The following CREB5 variants were observed in gnomAD, a reference collection of about 807,000 sequenced individuals.
CREB5 encodes the protein cyclic AMP-responsive element-binding protein 5.
Under a neutral mutation model 57.1 loss-of-function variants are expected in CREB5, and 19 were observed. The ratio of observed to expected loss-of-function variants is 0.33; its 90% CI spans 0.23 to 0.49. The LOEUF (loss-of-function observed/expected upper bound fraction) is 0.49, where lower values mean the gene tolerates loss of function less well. CREB5 is among the 20% of genes least tolerant of loss of function. The probability of loss-of-function intolerance (pLI) is 0.99; values close to 1 mark genes in which losing one functional copy is unlikely to be tolerated. For missense variants in CREB5, 579 were observed against 671.6 expected (o/e 0.86, Z 1.52); for synonymous variants, 238 against 238.3 (o/e 1.00, Z 0.01).
At chr7:28,324,090 CG>C (rs1164509605) in intron 1 of CREB5, among the ~76,000 whole-genome samples, 1 of 152,142 alleles carries the variant, frequency 6.6e-6, no homozygotes, top group Non-Finnish European at 1.5e-5. Context: ...ACTCGCCCAC[CG>C]CTCACCTCAC....
intron 7 of CREB5, among the ~76,000 whole-genome samples, chr7:28,771,810 C>A (rs1256244519): frequency 6.6e-6 from 1 of 151,892 alleles, no homozygotes; most frequent in African/African-American, 2.4e-5. Flanking sequence ...GAGGGTGGGG[C>A]CAATCTCTCA....
In CREB5 at chr7:28,372,124, A is replaced by G. The variant is rs562274201; in HGVS notation, c.-25+72683A>G. On this transcript the variant is annotated intron_variant, in intron 1 of 9. Transcript: ENST00000396299. ...TCTGTGCCAGGCGCTGGGCTGGCGT[A>G]TATACAATTAGTTAATTCTCACGGC... Among the ~76,000 whole-genome samples the G allele has an allele frequency of 8.9e-4, 136 of 152,306 alleles. 1 individual carries two copies. The highest frequency in any genetic ancestry group is 3.1e-3 in the African/African-American group (127 of 41,564).
chr7:28,789,921 A>T (rs927301320), intron 7 of CREB5, among the ~76,000 whole-genome samples: 1 of 152,202 alleles, frequency 6.6e-6, no homozygotes, highest in Non-Finnish European at 1.5e-5. Context: ...CTCTGTTTCC[A>T]TTTACTTTCC....
At chr7:28,579,302 C>A (rs556748900) in intron 5 of CREB5, among the ~76,000 whole-genome samples, 1 of 152,196 alleles carries the variant, frequency 6.6e-6, no homozygotes, top group South Asian at 2.1e-4. Context: ...TTCTACAAAA[C>A]GCATTCATTC....
chr7:28,410,911 T>C (rs535452158), upstream of CREB5: 21 of 269,374 alleles, frequency 7.8e-5, no homozygotes, highest in African/African-American at 4.4e-4. Context: ...TTTATTGCCC[T>C]CTCTTCCCAG....
At chr7:28,587,049 C>A (rs1399960720) in intron 5 of CREB5, among the ~76,000 whole-genome samples, 3 of 152,174 alleles carry the variant, frequency 2.0e-5, no homozygotes, top group Admixed American at 1.3e-4. Flanking sequence ...AACATCAGAA[C>A]AACTCAAATG....
chr7:28,460,438 A>G (rs76583373), intron 1 of CREB5, among the ~76,000 whole-genome samples: 2,437 of 152,334 alleles, frequency 0.016, 56 homozygotes, highest in African/African-American at 0.054. Flanking sequence ...GAGACGAAGC[A>G]TAGACCCCTG....
At chr7:28,691,877 A>C (rs1292729497) in intron 5 of CREB5, among the ~76,000 whole-genome samples, 10 of 151,946 alleles carry the variant, frequency 6.6e-5, no homozygotes, top group Non-Finnish European at 1.2e-4. Flanking sequence ...CTTAAAAAAG[A>C]AGCAGCTGTG....
At chr7:28,599,758 T>TGTTTTGTTTTG (rs1554273199) in intron 5 of CREB5, among the ~76,000 whole-genome samples, 10 of 149,090 alleles carry the variant, frequency 6.7e-5, no homozygotes, top group African/African-American at 2.0e-4. Flanking sequence ...TGTTTTGTTT[T>TGTTTTGTTTTG]TTTATTGTAT....
intron 1 of CREB5, among the ~76,000 whole-genome samples, chr7:28,473,261 G>A (rs1461412767): frequency 1.3e-5 from 2 of 152,186 alleles, no homozygotes; most frequent in East Asian, 1.9e-4. Flanking sequence ...GATCAAGGGT[G>A]TAGCGGGCTG....
chr7:28,566,696 G>A (rs552687247), intron 4 of CREB5, among the ~76,000 whole-genome samples: 1 of 152,300 alleles, frequency 6.6e-6, no homozygotes, highest in African/African-American at 2.4e-5. Context: ...TTAATGTGAA[G>A]TGATAATGCT....
At chr7:28,660,391 T>TG (rs1469038849) in intron 5 of CREB5, among the ~76,000 whole-genome samples, 8 of 150,908 alleles carry the variant, frequency 5.3e-5, no homozygotes, top group South Asian at 2.1e-4. Flanking sequence ...GTTTTTTTTT[T>TG]TTTTTTTTTT....
intron 4 of CREB5, among the ~76,000 whole-genome samples, chr7:28,552,004 C>CTCTT (rs3041144): frequency 0.87 from 125,293 of 143,732 alleles, 55,411 homozygotes; most frequent in East Asian, 0.96. Context: ...TTTTCTCTCT[C>CTCTT]TCTCTCTTTT....
At chr7:28,445,969 A>G (rs1027004960) in intron 1 of CREB5, among the ~76,000 whole-genome samples, 1 of 151,840 alleles carries the variant, frequency 6.6e-6, no homozygotes, top group African/African-American at 2.4e-5. Flanking sequence ...CAAACCCAAC[A>G]AAGAATGTGA....
chr7:28,665,440 G>T (rs1445188911), intron 5 of CREB5, among the ~76,000 whole-genome samples: 1 of 152,142 alleles, frequency 6.6e-6, no homozygotes, highest in African/African-American at 2.4e-5. Context: ...ACTCAAAGAT[G>T]TTGTACATGG....
intron 1 of CREB5, among the ~76,000 whole-genome samples, chr7:28,469,104 C>T (rs1233361775): frequency 6.6e-6 from 1 of 152,122 alleles, no homozygotes; most frequent in Non-Finnish European, 1.5e-5. Flanking sequence ...GCCTGTAGTC[C>T]CAACTACTCA....
intron 5 of CREB5, among the ~76,000 whole-genome samples, chr7:28,591,116 C>T (rs987087412): frequency 3.3e-5 from 5 of 152,192 alleles, no homozygotes; most frequent in Non-Finnish European, 7.4e-5. Flanking sequence ...TTACTCCAAA[C>T]AGGATGACCA....
rs143022007 is a variant in CREB5, at chr7:28,381,635, A to G, written c.-25+82194A>G. Among the ~76,000 whole-genome samples the G allele has an allele frequency of 4.5e-4, 69 of 152,328 alleles. 1 individual carries two copies. The highest frequency in any genetic ancestry group is 3.4e-4 in the Non-Finnish European group (23 of 68,012). On this transcript the variant is annotated intron_variant, in intron 1 of 9. Transcript: ENST00000396299. ...ACACATTCCTCTGCCCTCATTGTTTAATAAAACCAAGAGTACCCTGGCAGA... is the reference window on the plus strand; with the variant it reads ...ACACATTCCTCTGCCCTCATTGTTTGATAAAACCAAGAGTACCCTGGCAGA...
At chr7:28,658,218 A>T (rs979109456) in intron 5 of CREB5, among the ~76,000 whole-genome samples, 3 of 152,202 alleles carry the variant, frequency 2.0e-5, no homozygotes, top group African/African-American at 7.2e-5. Context: ...CATTTCTCTC[A>T]TGCACGCCCC....
Sources: gnomAD v4.1 joint callset for allele counts (sites outside exome capture counted in the v4.1 genomes callset) on GRCh38, gnomAD v4.1.1 for gene constraint, MANE v1.5 for transcripts, NCBI Gene and HGNC (gene_info 2026-07-23, HGNC 2026-07-21) for gene names.